Variants in FABP6 observed in about 807,000 individuals in gnomAD.
The protein encoded by FABP6 is fatty acid binding protein 6.
A neutral mutation model predicts 14.9 loss-of-function variants in FABP6; 13 were observed. The ratio of observed to expected loss-of-function variants is 0.87; its 90% CI spans 0.57 to 1.39. FABP6 has a LOEUF of 1.39. FABP6 is among the 40% of genes most tolerant of loss of function. The probability of loss-of-function intolerance (pLI) is 0.00; values close to 1 mark genes in which losing one functional copy is unlikely to be tolerated. For synonymous variants in FABP6, 75 were observed against 63.6 expected, an observed-to-expected ratio of 1.18 and a Z score of -0.85; for missense variants, 161 against 167.2, an observed-to-expected ratio of 0.96 and a Z score of 0.20.
At chr5:160,228,262 A>G (rs553008427), upstream of FABP6, among the ~76,000 whole-genome samples, 36 of 152,132 alleles carry the variant, frequency 2.4e-4, no homozygotes, top group Admixed American at 1.7e-3. Context: ...GTGGTGGTGC[A>G]TGCCTGTAAT....
upstream of FABP6, among the ~76,000 whole-genome samples, chr5:160,225,602 T>C (rs11135097): frequency 0.59 from 88,935 of 151,034 alleles, 26,290 homozygotes; most frequent in Middle Eastern, 0.65. Flanking sequence ...TGGGTTTCAC[T>C]GTTTAGCCAG....
At chr5:160,202,532 C>T (rs889866163) in intron 2 of FABP6, among the ~76,000 whole-genome samples, 16 of 152,092 alleles carry the variant, frequency 1.1e-4, no homozygotes, top group African/African-American at 3.6e-4. Context: ...CGTGGTGGCT[C>T]ACGCCCGTAA....
In FABP6 at chr5:160,206,272, A is replaced by G. The variant is rs184257178; in HGVS notation, c.51+7115A>G. ...TGGGGAAACCCCATCTCTACTAAAGATACAAAAAATTAGCGGGGCATGATG... is the reference window on the plus strand; with the variant it reads ...TGGGGAAACCCCATCTCTACTAAAGGTACAAAAAATTAGCGGGGCATGATG... On this transcript the variant is annotated intron_variant, in intron 2 of 6. Coordinates refer to the FABP6 transcript ENST00000393980. Among the ~76,000 whole-genome samples the G allele has an allele frequency of 4.7e-4, 71 of 152,256 alleles. No homozygotes were observed. The East Asian group carries it at 0.012, about 25-fold the overall frequency.
chr5:160,228,315 C>A (rs60142392), upstream of FABP6, among the ~76,000 whole-genome samples: 1 of 151,860 alleles, frequency 6.6e-6, no homozygotes, highest in East Asian at 1.9e-4. Flanking sequence ...TGCTTGAACC[C>A]GGGAGGCGGA....
chr5:160,238,717 G>A, downstream of FABP6: 2 of 1,557,688 alleles, frequency 1.3e-6, no homozygotes, highest in Non-Finnish European at 1.8e-6. Flanking sequence ...TATAAGGACA[G>A]ACGCTGCTCG....
intron 2 of FABP6, chr5:160,213,624 C>A (rs1759939254): frequency 2.3e-6 from 2 of 852,446 alleles, no homozygotes; most frequent in African/African-American, 1.7e-5. Flanking sequence ...CCATTGCTTG[C>A]AATTAAGAGC....
At chr5:160,227,815 A>T (rs1390669560), upstream of FABP6, among the ~76,000 whole-genome samples, 1 of 85,712 alleles carries the variant, frequency 1.2e-5, no homozygotes, top group African/African-American at 4.7e-5. Context: ...AAAAAAATCC[A>T]TGACGTGTGT....
chr5:160,229,646 C>A, intron 1 of FABP6, 22 bp downstream of exon 1: 1 of 1,612,346 alleles, frequency 6.2e-7, no homozygotes, highest in Non-Finnish European at 8.5e-7. Context: ...CCTGGGTATC[C>A]CTTCCTCGGG....
intron 3 of FABP6, chr5:160,213,835 A>C (rs1328544840): frequency 1.2e-6 from 2 of 1,602,606 alleles, no homozygotes; most frequent in Non-Finnish European, 1.7e-6. Flanking sequence ...GGGTAGAAGA[A>C]GGGAGGGAAG....
At chr5:160,202,613 G>A (rs979561444) in intron 2 of FABP6, among the ~76,000 whole-genome samples, 4 of 151,882 alleles carry the variant, frequency 2.6e-5, no homozygotes, top group East Asian at 2.0e-4. Flanking sequence ...TGGCTAACAC[G>A]GTGAAACCCC....
At chr5:160,237,254 T>C (rs1000959873) in intron 3 of FABP6, among the ~76,000 whole-genome samples, 1 of 152,250 alleles carries the variant, frequency 6.6e-6, no homozygotes, top group Admixed American at 6.5e-5. Context: ...CTTCCCAAGC[T>C]GAGCGAACCT....
At chr5:160,222,531 G>A (rs1393878365) in intron 3 of FABP6, among the ~76,000 whole-genome samples, 1 of 151,952 alleles carries the variant, frequency 6.6e-6, no homozygotes, top group African/African-American at 2.4e-5. Flanking sequence ...ATGGGGTTCC[G>A]CCATGTTGGC....
At chr5:160,194,078 C>T (rs1018349908) in intron 1 of FABP6, among the ~76,000 whole-genome samples, 2 of 152,226 alleles carry the variant, frequency 1.3e-5, no homozygotes, top group Non-Finnish European at 2.9e-5. Context: ...AAATCAAGCG[C>T]AGCGCCGGTG....
chr5:160,206,852 C>T (rs1056713995), intron 2 of FABP6, among the ~76,000 whole-genome samples: 1 of 152,164 alleles, frequency 6.6e-6, no homozygotes, highest in Non-Finnish European at 1.5e-5. Flanking sequence ...ACGGCAGCAC[C>T]TGGGTCATGG....
chr5:160,189,045 T>C (rs943640340), intron 1 of FABP6, among the ~76,000 whole-genome samples: 1 of 152,120 alleles, frequency 6.6e-6, no homozygotes, highest in Admixed American at 6.6e-5. Context: ...TGCACCCTTT[T>C]CCTATAAAGG....
chr5:160,208,077 T>A (rs899159861), intron 2 of FABP6, among the ~76,000 whole-genome samples: 1 of 152,166 alleles, frequency 6.6e-6, no homozygotes, highest in Non-Finnish European at 1.5e-5. Context: ...ATGTAAAAAA[T>A]TTCTGAATTT....
At chr5:160,216,850 G>A (rs141290139) in intron 3 of FABP6, among the ~76,000 whole-genome samples, 36 of 152,240 alleles carry the variant, frequency 2.4e-4, no homozygotes, top group Middle Eastern at 6.8e-3. Context: ...GTGCTTTGGG[G>A]TCATTCACTA....
chr5:160,191,637 G>T (rs1453284435), intron 1 of FABP6, among the ~76,000 whole-genome samples: 16 of 151,324 alleles, frequency 1.1e-4, no homozygotes, highest in Admixed American at 6.6e-4. Flanking sequence ...ATTGAGATGG[G>T]GTCTCACTAT....
chr5:160,228,805 C>T (rs1169525692), upstream of FABP6: 1 of 286,148 alleles, frequency 3.5e-6, no homozygotes, highest in Non-Finnish European at 7.0e-6. Flanking sequence ...TCATTGTTTC[C>T]TTTCATCATG....
Sources: gnomAD v4.1 joint callset for allele counts (sites outside exome capture counted in the v4.1 genomes callset) on GRCh38, gnomAD v4.1.1 for gene constraint, MANE v1.5 for transcripts, NCBI Gene and HGNC (gene_info 2026-07-23, HGNC 2026-07-21) for gene names.